Variants in FBXW8 observed in about 807,000 individuals in gnomAD.
FBXW8 encodes F-box/WD repeat-containing protein 8.
FBXW8 carries 57 observed loss-of-function variants against 65.3 expected under a neutral mutation model. The ratio of observed to expected loss-of-function variants is 0.87; its 90% CI spans 0.71 to 1.09. The LOEUF (loss-of-function observed/expected upper bound fraction) is 1.09, where lower values mean the gene tolerates loss of function less well. FBXW8 is among the 50% of genes least tolerant of loss of function. The pLI, the probability that FBXW8 is intolerant of heterozygous loss-of-function variation, is 0.00. For missense variants in FBXW8, 777 were observed against 814.8 expected (o/e 0.95, Z 0.57); for synonymous variants, 308 against 330.2 (o/e 0.93, Z 0.73).
At chr12:116,973,998 C>A (rs1192881210) in intron 5 of FBXW8, among the ~76,000 whole-genome samples, 2 of 152,196 alleles carry the variant, frequency 1.3e-5, no homozygotes, top group Non-Finnish European at 2.9e-5. Flanking sequence ...ATAAGTAGCC[C>A]ATGGCTGTGA....
intron 3 of FBXW8, among the ~76,000 whole-genome samples, chr12:116,947,324 G>A (rs781745348): frequency 1.3e-5 from 2 of 152,138 alleles, no homozygotes; most frequent in East Asian, 3.8e-4. Flanking sequence ...TATTTGGAGC[G>A]TGTAAGGTCC....
At chr12:116,928,795 C>T (rs187239495) in intron 2 of FBXW8, among the ~76,000 whole-genome samples, 3 of 152,084 alleles carry the variant, frequency 2.0e-5, no homozygotes, top group Admixed American at 6.5e-5. Flanking sequence ...AGGAAGTCTG[C>T]GGTGGGGCCT....
chr12:116,918,138 A>G (rs1366692944), intron 1 of FBXW8, among the ~76,000 whole-genome samples: 4 of 152,244 alleles, frequency 2.6e-5, no homozygotes, highest in African/African-American at 4.8e-5. Flanking sequence ...AGTTCTTAGT[A>G]TAAGTAAACT....
At position 116,968,062 on chromosome 12, in the gene FBXW8, C is replaced by A. The variant is rs540488064; in HGVS notation, c.835+3208C>A. Among the ~76,000 whole-genome samples the A allele has an allele frequency of 7.9e-5, 12 of 152,270 alleles. No individual in the cohort carries two copies. The South Asian group carries it at 2.5e-3, about 32-fold the overall frequency. On this transcript the variant is annotated intron_variant, in intron 5 of 10. Coordinates refer to ENST00000652555, the MANE Select transcript of FBXW8 (RefSeq NM_153348.3). ...GGGATTACAGGCTTGAGCCACCGCG[C>A]CTGGCTTGTCATTTATTCTTTAATG...
In FBXW8 at chr12:116,936,039, A is replaced by C. The variant is rs1882135251; in HGVS notation, c.423+7912A>C. On this transcript the variant is annotated intron_variant, in intron 2 of 10. Transcript: ENST00000652555. The surrounding 1 kb of genome is among the most constrained non-coding windows in gnomAD (Gnocchi z 4.6). ...CTCAGAGAGCTTCCATTGTATATACAATAAAGACATGATTAAATAGAGTTA... is the reference window on the plus strand; with the variant it reads ...CTCAGAGAGCTTCCATTGTATATACCATAAAGACATGATTAAATAGAGTTA... Among the ~76,000 whole-genome samples, 1 of 150,638 alleles carries C rather than the reference A, an allele frequency of 6.6e-6. No individual in the cohort carries two copies. The highest frequency in any genetic ancestry group is 6.6e-5 in the Admixed American group (1 of 15,140).
In FBXW8 at chr12:117,028,410, C is replaced by A; in HGVS notation, c.*238C>A. 1 of 555,158 alleles carries A rather than the reference C, an allele frequency of 1.8e-6. No individual in the cohort carries two copies. The highest frequency in any genetic ancestry group is 3.2e-6 in the Non-Finnish European group (1 of 312,684). 34.4% of individuals were successfully genotyped at this position (555,158 alleles called of 1,614,324 possible). A position where few individuals can be genotyped will look rare whatever the true frequency, so the allele number is the denominator to read the frequency against. On this transcript the variant is annotated 3_prime_UTR_variant, in exon 11 of 11. Transcript: ENST00000652555. This position sits in a 1 kb window ranked among gnomAD's most constrained non-coding sequence, Gnocchi z 4.1. ...CCAACTCAAACATAGCCTCCTTCCC[C>A]ACCCAGCTGGCCACCCTGGCCTCAG...
chr12:117,027,225 G>A (rs532245274), intron 9 of FBXW8, among the ~76,000 whole-genome samples, 169 bp from the exon 10 acceptor site: 3 of 152,310 alleles, frequency 2.0e-5, no homozygotes, highest in Non-Finnish European at 4.4e-5. Context: ...CCTGAGCTTC[G>A]GGAACTGAGG....
intron 2 of FBXW8, among the ~76,000 whole-genome samples, chr12:116,935,043 A>G (rs1432053057): frequency 1.3e-5 from 2 of 152,160 alleles, no homozygotes; most frequent in Non-Finnish European, 2.9e-5. Flanking sequence ...TTTAATGTAT[A>G]TTTTAGTGCT....
chr12:117,028,275 G>A lies in FBXW8; in HGVS notation c.*103G>A, dbSNP rs759982690. ...CACAGGTGGTAAACATTTAGGGGAAGAAAGCAGCCCAGGGTGCCATGCCTG... is the reference window on the plus strand; with the variant it reads ...CACAGGTGGTAAACATTTAGGGGAAAAAAGCAGCCCAGGGTGCCATGCCTG... On this transcript the variant is annotated 3_prime_UTR_variant, in exon 11 of 11. Coordinates refer to ENST00000652555, the MANE Select transcript of FBXW8 (RefSeq NM_153348.3). The surrounding 1 kb of genome is among the most constrained non-coding windows in gnomAD (Gnocchi z 4.1). 2 of 1,425,366 alleles carry A rather than the reference G, an allele frequency of 1.4e-6. No homozygotes were observed. Among genetic ancestry groups the A allele is most frequent in the Admixed American group, 2.0e-5 (1 of 50,612 alleles). 88.3% of individuals were successfully genotyped at this position (1,425,366 alleles called of 1,614,324 possible).
chr12:116,923,148 T>C (rs11068239), intron 1 of FBXW8, among the ~76,000 whole-genome samples: 1 of 152,128 alleles, frequency 6.6e-6, no homozygotes, highest in Non-Finnish European at 1.5e-5. Flanking sequence ...AGAGGTTTCA[T>C]TGAGCCAGGA....
intron 1 of FBXW8, among the ~76,000 whole-genome samples, chr12:116,924,321 G>A (rs1485305698): frequency 6.6e-6 from 1 of 152,014 alleles, no homozygotes; most frequent in Non-Finnish European, 1.5e-5. Flanking sequence ...CATTATAATT[G>A]TACATATTTA....
intron 1 of FBXW8, among the ~76,000 whole-genome samples, chr12:116,922,022 G>A (rs965825695): frequency 2.0e-5 from 3 of 151,804 alleles, no homozygotes; most frequent in African/African-American, 7.3e-5. Context: ...TAGAGACAGT[G>A]TCTCACTATG....
At chr12:116,943,814 AGC>A (rs766282971) in intron 2 of FBXW8, among the ~76,000 whole-genome samples, 1 of 152,222 alleles carries the variant, frequency 6.6e-6, no homozygotes, top group Non-Finnish European at 1.5e-5. Flanking sequence ...AGCCTCTAAC[AGC>A]CCCAGCTAGC....
At chr12:116,942,924 C>T (rs935145312) in intron 2 of FBXW8, among the ~76,000 whole-genome samples, 28 of 151,556 alleles carry the variant, frequency 1.8e-4, no homozygotes, top group East Asian at 7.8e-4. Context: ...ACTACAGGTG[C>T]GTGCCACCAT....
At chr12:117,027,583 C>T (rs1453703963) in intron 10 of FBXW8, 79 bp downstream of exon 10, 4 of 1,108,754 alleles carry the variant, frequency 3.6e-6, no homozygotes, top group East Asian at 4.9e-5. Context: ...CGCCGTGACA[C>T]ATTGCACCCT....
At chr12:117,019,972 C>G (rs1391979996) in intron 8 of FBXW8, among the ~76,000 whole-genome samples, 1 of 152,134 alleles carries the variant, frequency 6.6e-6, no homozygotes, top group Admixed American at 6.5e-5. Context: ...CGAAGCGCAC[C>G]CCTCTTCCCA....
intron 9 of FBXW8, among the ~76,000 whole-genome samples, chr12:117,025,036 G>C (rs1282607937): frequency 1.4e-4 from 21 of 152,088 alleles, no homozygotes; most frequent in Admixed American, 1.4e-3. Context: ...CTTCAAAGCA[G>C]CAGCCCAGCC....
chr12:117,011,093 TC>T (rs1953795126), intron 8 of FBXW8, among the ~76,000 whole-genome samples: 1 of 150,388 alleles, frequency 6.6e-6, no homozygotes, highest in African/African-American at 2.5e-5. Context: ...TTTAGGTTTC[TC>T]CCCGCCTCTT....
chr12:116,968,202 A>G (rs1445323895), intron 5 of FBXW8, among the ~76,000 whole-genome samples: 2 of 152,206 alleles, frequency 1.3e-5, no homozygotes, highest in African/African-American at 4.8e-5. Flanking sequence ...TTTAGGGTTC[A>G]AAGATCAAAA....
Sources: gnomAD v4.1 joint callset for allele counts (sites outside exome capture counted in the v4.1 genomes callset) on GRCh38, gnomAD v4.1.1 for gene constraint, Gnocchi (gnomAD v3.1) non-coding constraint, MANE v1.5 for transcripts, NCBI Gene and HGNC (gene_info 2026-07-23, HGNC 2026-07-21) for gene names.